Variants in STK32B observed in about 807,000 individuals in gnomAD.
STK32B encodes serine/threonine-protein kinase 32B.
In STK32B, 43 loss-of-function variants were observed where a neutral mutation model predicts 52.6. That is an observed-to-expected ratio of 0.82 (90% CI 0.64 to 1.05). The LOEUF (loss-of-function observed/expected upper bound fraction) is 1.05. Among genes scored for constraint, STK32B ranks in the 50% least tolerant of loss-of-function variants. The pLI, the probability that STK32B is intolerant of heterozygous loss-of-function variation, is 0.00. For synonymous variants in STK32B, 238 were observed against 204.3 expected (o/e 1.17, Z -1.41); for missense variants, 621 against 534.6 (o/e 1.16, Z -1.59).
intron 7 of STK32B, 93 bp from the exon 8 acceptor site, chr4:5,456,714 T>C: frequency 1.7e-6 from 2 of 1,166,372 alleles, no homozygotes; most frequent in Non-Finnish European, 2.4e-6. Context: ...AGAGGAAGAA[T>C]AAACCATCCC....
At chr4:5,436,094 G>T (rs1024046969) in intron 6 of STK32B, among the ~76,000 whole-genome samples, 2 of 152,252 alleles carry the variant, frequency 1.3e-5, no homozygotes, top group African/African-American at 4.8e-5. Flanking sequence ...TGGGGCCTCA[G>T]TGCTGGGCCG....
intron 6 of STK32B, chr4:5,436,740 C>T (rs1156481173): frequency 1.1e-6 from 1 of 942,236 alleles, no homozygotes; most frequent in Non-Finnish European, 1.3e-6. Context: ...TTCCCTGAAC[C>T]TAGGAGTCAG....
At chr4:5,203,128 G>T (rs1722286277) in intron 3 of STK32B, among the ~76,000 whole-genome samples, 1 of 152,136 alleles carries the variant, frequency 6.6e-6, no homozygotes, top group Non-Finnish European at 1.5e-5. Context: ...AAAGATGAAG[G>T]TATTTCTTGT....
chr4:5,022,027 G>A, the STK32B span, among the ~76,000 whole-genome samples: 1 of 152,072 alleles, frequency 6.6e-6, no homozygotes, highest in South Asian at 2.1e-4. Context: ...GGCAGGTGGA[G>A]ACAAGGAGAA....
intron 3 of STK32B, among the ~76,000 whole-genome samples, chr4:5,265,409 G>T (rs1278650950): frequency 6.6e-6 from 1 of 152,206 alleles, no homozygotes; most frequent in African/African-American, 2.4e-5. Flanking sequence ...TGCCCACATG[G>T]AATAAGACTT....
chr4:5,190,591 A>T (rs564383596), intron 3 of STK32B, among the ~76,000 whole-genome samples: 64 of 152,334 alleles, frequency 4.2e-4, no homozygotes, highest in African/African-American at 1.3e-3. Context: ...AAAGAGTCAT[A>T]GCTCACCCTG....
intron 3 of STK32B, among the ~76,000 whole-genome samples, chr4:5,217,902 G>C (rs749681348): frequency 6.6e-6 from 1 of 152,082 alleles, no homozygotes. Flanking sequence ...GTTCTCATGC[G>C]GTGAAACTAC....
chr4:5,056,141 G>A (rs1442373717), intron 1 of STK32B, among the ~76,000 whole-genome samples: 2 of 152,124 alleles, frequency 1.3e-5, no homozygotes, highest in Admixed American at 6.5e-5. Context: ...ACTGTGAACT[G>A]TGCATGTGAG....
At chr4:5,259,779 G>A (rs972989704) in intron 3 of STK32B, among the ~76,000 whole-genome samples, 7 of 152,242 alleles carry the variant, frequency 4.6e-5, no homozygotes, top group South Asian at 2.1e-4. Context: ...TCTAGTCAGG[G>A]AGACAGACGC....
chr4:5,341,339 C>G (rs1314411024), intron 4 of STK32B, among the ~76,000 whole-genome samples: 4 of 152,136 alleles, frequency 2.6e-5, no homozygotes, highest in Non-Finnish European at 5.9e-5. Context: ...GTTGCCTCCC[C>G]AGATGCAAAA....
At chr4:5,346,401 G>T (rs1733460517) in intron 4 of STK32B, among the ~76,000 whole-genome samples, 1 of 152,084 alleles carries the variant, frequency 6.6e-6, no homozygotes. Context: ...ACCCTCTCTG[G>T]GTCCAAGTCT....
rs528142829 is a variant in STK32B, at chr4:5,100,372, T to C, written c.53-39533T>C. ...TCCTTCCTCCCCCCAGCTGCCTTTC[T>C]TGCCTTCTTCTTCCTTCCTTCCTTC... On this transcript the variant is annotated intron_variant, in intron 1 of 11. Transcript: ENST00000282908. Among the ~76,000 whole-genome samples, 122 of 131,042 alleles carry C rather than the reference T, an allele frequency of 9.3e-4. 2 individuals carry two copies. The highest frequency in any genetic ancestry group is 1.1e-3 in the Non-Finnish European group (68 of 62,162). The allele number at this position is 131,042 out of a possible 152,430, so 86.0% of individuals were successfully genotyped here. A position where few individuals can be genotyped will look rare whatever the true frequency, so the allele number is the denominator to read the frequency against.
At chr4:5,085,677 G>A (rs1424206126) in intron 1 of STK32B, among the ~76,000 whole-genome samples, 1 of 152,166 alleles carries the variant, frequency 6.6e-6, no homozygotes, top group East Asian at 1.9e-4. Context: ...TGATAAAATT[G>A]TTAGAAGTAA....
rs1484203132 is a variant in STK32B, at chr4:5,410,199, G to A, written c.473-6646G>A. Among the ~76,000 whole-genome samples the A allele has an allele frequency of 2.6e-5, 4 of 152,302 alleles. No homozygotes were observed. The East Asian group carries it at 5.8e-4, about 22-fold the overall frequency. ...AGAGCCAGGGTTGCTGGAAACGGCT[G>A]GAGCCTACCAGGGGAGGGAGCTGAA... On this transcript the variant is annotated intron_variant, in intron 5 of 11. Coordinates refer to ENST00000282908, the MANE Select transcript of STK32B (RefSeq NM_018401.3).
At chr4:5,208,185 G>A (rs1722696402) in intron 3 of STK32B, among the ~76,000 whole-genome samples, 1 of 152,174 alleles carries the variant, frequency 6.6e-6, no homozygotes, top group Admixed American at 6.5e-5. Context: ...CCATGTGAGG[G>A]CCTGAGGGAA....
At chr4:5,267,376 C>G (rs889609278) in intron 3 of STK32B, among the ~76,000 whole-genome samples, 1 of 152,166 alleles carries the variant, frequency 6.6e-6, no homozygotes, top group African/African-American at 2.4e-5. Flanking sequence ...TGCCCCTCCC[C>G]GCTTTCCCTG....
chr4:5,122,257 C>CTCAT (rs758454286), intron 1 of STK32B, among the ~76,000 whole-genome samples: 7 of 152,018 alleles, frequency 4.6e-5, no homozygotes, highest in South Asian at 2.1e-4. Flanking sequence ...TACTCATTTA[C>CTCAT]TCATTCATTC....
Position 5,425,079 on chromosome 4 carries a change from G to A in STK32B, c.562+8145G>A, listed in dbSNP as rs571065498. On this transcript the variant is annotated intron_variant, in intron 6 of 11. Coordinates refer to ENST00000282908, the MANE Select transcript of STK32B (RefSeq NM_018401.3). Reference sequence around the variant, plus strand: ...CACCCCGCCACAGCCAGGATGCCTAGCTGTGTGCAGTGGCCGGACCCCATG... The same window carrying A: ...CACCCCGCCACAGCCAGGATGCCTAACTGTGTGCAGTGGCCGGACCCCATG... 7.2e-5 allele frequency among the ~76,000 whole-genome samples: 11 copies of A among 152,378 alleles called. No homozygotes were observed. In the South Asian group the frequency reaches 1.0e-3, roughly 14 times the overall value.
chr4:5,329,956 C>T (rs1260055972), intron 3 of STK32B, among the ~76,000 whole-genome samples: 2 of 152,176 alleles, frequency 1.3e-5, no homozygotes, highest in Non-Finnish European at 2.9e-5. Flanking sequence ...CCAAATCATG[C>T]ACCAGGCTCC....
Sources: allele counts gnomAD v4.1 joint callset (sites outside exome capture counted in the v4.1 genomes callset), GRCh38; gene constraint gnomAD v4.1.1; transcripts MANE v1.5; gene names NCBI Gene and HGNC (gene_info 2026-07-23, HGNC 2026-07-21).